The following ZNF264 variants were observed in gnomAD, a reference collection of about 807,000 sequenced individuals.
The protein encoded by ZNF264 is zinc finger protein 264.
A neutral mutation model predicts 11.2 loss-of-function variants in ZNF264; 11 were observed. That is an observed-to-expected ratio of 0.98 (90% CI 0.62 to 1.63). The LOEUF is 1.63. ZNF264 is among the 40% of genes most tolerant of loss of function. The pLI is 0.00. For missense variants in ZNF264, 752 were observed against 768.1 expected (o/e 0.98, Z 0.25); for synonymous variants, 309 against 279.8 (o/e 1.10, Z -1.04).
At chr19:57,193,797 C>T (rs1289239556) in intron 1 of ZNF264, 78 bp from the exon 2 acceptor site, 5 of 1,578,104 alleles carry the variant, frequency 3.2e-6, no homozygotes, top group Non-Finnish European at 3.5e-6. Context: ...CACTGTACAC[C>T]TTTTCCAGTG....
At position 57,222,227 on chromosome 19, in the gene ZNF264, G is replaced by A. The variant is rs961876293; in HGVS notation, c.*9246G>A. 1 of 151,364 alleles carries A rather than the reference G, an allele frequency of 6.6e-6. No homozygotes were observed. The highest frequency in any genetic ancestry group is 6.6e-5 in the Admixed American group (1 of 15,114). 9.4% of individuals were successfully genotyped at this position (151,364 alleles called of 1,614,324 possible). On this transcript the variant is annotated 3_prime_UTR_variant, in exon 4 of 4. Coordinates refer to ENST00000263095, the MANE Select transcript of ZNF264 (RefSeq NM_003417.5). ...CCGGGCGTAGTGGTACATGCATTTA[G>A]TCCTAGCTACTTGGGAGGCTGAGGC...
Position 57,211,342 on chromosome 19 carries a change from G to C in ZNF264, c.257-12G>C. On this transcript the variant is annotated splice_polypyrimidine_tract_variant and intron_variant, in intron 3 of 3. Transcript: ENST00000263095. ...TACTAACAGGCCCTTTTGTGTGCTG[G>C]ATTTCTTTCAGGCGACAAAGGAAAA... 6.3e-7 allele frequency: 1 copy of C among 1,582,410 alleles called. No homozygotes were observed. The highest frequency in any genetic ancestry group is 1.4e-5 in the African/African-American group (1 of 73,598).
chr19:57,211,542 A>G lies in ZNF264; in HGVS notation c.445A>G (p.Lys149Glu). 6.2e-7 allele frequency: 1 copy of G among 1,614,024 alleles called. No individual in the cohort carries two copies. Among genetic ancestry groups the G allele is most frequent in the Non-Finnish European group, 8.5e-7 (1 of 1,179,998 alleles). Residue 149 changes from lysine to glutamate, a missense_variant, in exon 4 of 4, where the codon AAG (lysine) becomes GAG (glutamate). Physicochemically the swap from Lys to Glu is moderately conservative, Grantham distance 56. Coordinates refer to ENST00000263095, the MANE Select transcript of ZNF264 (RefSeq NM_003417.5). ...CAGACCAGGAATAGATCCCCAGGAGAAGTCTCCTGGGAAGATGAGCCCTGA... is the reference window on the plus strand; with the variant it reads ...CAGACCAGGAATAGATCCCCAGGAGGAGTCTCCTGGGAAGATGAGCCCTGA... ...HFRPGIDPQE[K>E]SPGKMSPECD...
At chr19:57,198,948 T>G (rs1418280178) in intron 2 of ZNF264, among the ~76,000 whole-genome samples, 1 of 151,936 alleles carries the variant, frequency 6.6e-6, no homozygotes. Context: ...GATTCTGTTT[T>G]TGTAATTCAA....
intron 3 of ZNF264, among the ~76,000 whole-genome samples, chr19:57,208,027 T>A (rs1220748376): frequency 6.6e-6 from 1 of 151,838 alleles, no homozygotes; most frequent in Non-Finnish European, 1.5e-5. Flanking sequence ...CGCCTGGCCA[T>A]ATTTTTAGTA....
At chr19:57,199,072 G>A (rs575219090) in intron 2 of ZNF264, among the ~76,000 whole-genome samples, 1 of 151,154 alleles carries the variant, frequency 6.6e-6, no homozygotes, top group East Asian at 1.9e-4. Context: ...ATTAGCCAAC[G>A]CCAGAGATCT....
At position 57,213,066 on chromosome 19, in the gene ZNF264, G is replaced by C. The variant is rs1398684423; in HGVS notation, c.*85G>C. The C allele has an allele frequency of 7.4e-7, 1 of 1,349,910 alleles. No individual in the cohort carries two copies. Among genetic ancestry groups the C allele is most frequent in the South Asian group, 1.4e-5 (1 of 69,022 alleles). 83.6% of individuals were successfully genotyped at this position (1,349,910 alleles called of 1,614,324 possible). A position where few individuals can be genotyped will look rare whatever the true frequency, so the allele number is the denominator to read the frequency against. ...CAGTCTAGAGCCTTATTCTCCATCT[G>C]ATAATTTATCCTGGAGAGAGACCCA... On this transcript the variant is annotated 3_prime_UTR_variant, in exon 4 of 4. Coordinates refer to ENST00000263095, the MANE Select transcript of ZNF264 (RefSeq NM_003417.5).
Position 57,191,839 on chromosome 19 carries a change from G to C in ZNF264, c.-75G>C. The C allele has an allele frequency of 8.4e-7, 1 of 1,192,424 alleles. No individual in the cohort carries two copies. Among genetic ancestry groups the C allele is most frequent in the Non-Finnish European group, 1.1e-6 (1 of 941,154 alleles). The allele number at this position is 1,192,424 out of a possible 1,614,324, so 73.9% of individuals were successfully genotyped here. A position where few individuals can be genotyped will look rare whatever the true frequency, so the allele number is the denominator to read the frequency against. The stretch of plus-strand genomic sequence containing the variant: ...CTGGAAGCCCCGGGCAACCGGCCAG[G>C]GTCGGGCACAGGTGGGGTCCGTCAG... On this transcript the variant is annotated 5_prime_UTR_variant, in exon 1 of 4. Transcript: ENST00000263095.
chr19:57,196,410 T>G (rs1158975001), intron 2 of ZNF264, among the ~76,000 whole-genome samples: 1 of 151,936 alleles, frequency 6.6e-6, no homozygotes, highest in African/African-American at 2.4e-5. Flanking sequence ...AGGTCCAATA[T>G]AATCAACCTG....
chr19:57,200,591 T>C, intron 2 of ZNF264, among the ~76,000 whole-genome samples: 1 of 151,716 alleles, frequency 6.6e-6, no homozygotes, highest in Admixed American at 6.6e-5. Flanking sequence ...TTGTCTTGTC[T>C]TGTCTTTTCT....
In ZNF264 at chr19:57,218,627, C is replaced by T. The variant is rs2087396653; in HGVS notation, c.*5646C>T. On this transcript the variant is annotated 3_prime_UTR_variant, in exon 4 of 4. Coordinates refer to ENST00000263095, the MANE Select transcript of ZNF264 (RefSeq NM_003417.5). ...TGAGTGGCAGATCTTGTTTTACACTCCCATGGGTCCTTCAGGCTCTCATCT... is the reference window on the plus strand; with the variant it reads ...TGAGTGGCAGATCTTGTTTTACACTTCCATGGGTCCTTCAGGCTCTCATCT... 1 of 152,142 alleles carries T rather than the reference C, an allele frequency of 6.6e-6. No homozygotes were observed. Among genetic ancestry groups the T allele is most frequent in the African/African-American group, 2.4e-5 (1 of 41,438 alleles). The allele number at this position is 152,142 out of a possible 1,614,324, so 9.4% of individuals were successfully genotyped here.
Position 57,191,846 on chromosome 19 carries a change from C to T in ZNF264, c.-68C>T. Reference sequence around the variant, plus strand: ...CCCCGGGCAACCGGCCAGGGTCGGGCACAGGTGGGGTCCGTCAGGCCGCCC... The same window carrying T: ...CCCCGGGCAACCGGCCAGGGTCGGGTACAGGTGGGGTCCGTCAGGCCGCCC... On this transcript the variant is annotated 5_prime_UTR_variant, in exon 1 of 4. Transcript: ENST00000263095. 1 of 1,222,376 alleles carries T rather than the reference C, an allele frequency of 8.2e-7. No individual in the cohort carries two copies. The highest frequency in any genetic ancestry group is 1.0e-6 in the Non-Finnish European group (1 of 964,630). 75.7% of individuals were successfully genotyped at this position (1,222,376 alleles called of 1,614,324 possible). A position where few individuals can be genotyped will look rare whatever the true frequency, so the allele number is the denominator to read the frequency against.
rs752647319 is a variant in ZNF264, at chr19:57,194,033, G to GAA, written c.160+32_160+33insAA. 1.8e-5 allele frequency: 28 copies of GAA among 1,571,746 alleles called. No individual in the cohort carries two copies. In the Middle Eastern group the frequency reaches 6.8e-4, roughly 38 times the overall value. On this transcript the variant is annotated intron_variant, in intron 2 of 3. Coordinates refer to ENST00000263095, the MANE Select transcript of ZNF264 (RefSeq NM_003417.5). Reference sequence around the variant, plus strand: ...CCTTCCTTCCCCCTCCACCATGCAGGTGACCTGCCACTTCCTTCATTCCAT... The same window carrying GAA: ...CCTTCCTTCCCCCTCCACCATGCAGGAATGACCTGCCACTTCCTTCATTCCAT...
intron 3 of ZNF264, among the ~76,000 whole-genome samples, chr19:57,207,551 T>C (rs1302654384): frequency 6.0e-4 from 87 of 145,000 alleles, no homozygotes; most frequent in African/African-American, 2.2e-3. Flanking sequence ...TTTTCTTTTT[T>C]TTTTTTTTTT....
Position 57,212,235 on chromosome 19 carries a change from T to G in ZNF264, c.1138T>G (p.Phe380Val), listed in dbSNP as rs764957841. 3.1e-6 allele frequency: 5 copies of G among 1,613,976 alleles called. No homozygotes were observed. Among genetic ancestry groups the G allele is most frequent in the Admixed American group, 1.7e-5 (1 of 60,004 alleles). Residue 380 changes from phenylalanine to valine, a missense_variant, in exon 4 of 4, where the codon TTC becomes GTC. Phe to Val is a conservative substitution (Grantham distance 50). Coordinates refer to ENST00000263095, the MANE Select transcript of ZNF264 (RefSeq NM_003417.5). ...PYECSECGKV[F>V]LESAALIHHY... ...TGAGTGCAGTGAATGTGGGAAGGTC[T>G]TCTTGGAGAGTGCAGCCCTGATTCA...
chr19:57,209,133 C>T (rs1270939312), intron 3 of ZNF264, among the ~76,000 whole-genome samples: 1 of 152,070 alleles, frequency 6.6e-6, no homozygotes, highest in African/African-American at 2.4e-5. Flanking sequence ...CTCTTACTCT[C>T]TTTAAAGTAT....
At chr19:57,193,409 C>A in intron 1 of ZNF264, 1 of 668,790 alleles carries the variant, frequency 1.5e-6, no homozygotes, top group African/African-American at 1.9e-5. Context: ...AAATGAAATG[C>A]TGTCTTTGAG....
In ZNF264 at chr19:57,213,208, C is replaced by T; in HGVS notation, c.*227C>T. 2.3e-6 allele frequency: 1 copy of T among 427,996 alleles called. No individual in the cohort carries two copies. The allele number at this position is 427,996 out of a possible 1,614,324, so 26.5% of individuals were successfully genotyped here. On this transcript the variant is annotated 3_prime_UTR_variant, in exon 4 of 4. Transcript: ENST00000263095. ...GAGGGGACATAGAAAAAATGAAATG[C>T]AAGCACACATCTTTTCAGGCTTCTC...
intron 3 of ZNF264, among the ~76,000 whole-genome samples, chr19:57,208,040 G>A (rs1341923706): frequency 6.6e-6 from 1 of 151,892 alleles, no homozygotes; most frequent in East Asian, 2.0e-4. Flanking sequence ...TTTTAGTAGA[G>A]ACAGGGTTTC....
Sources: allele counts gnomAD v4.1 joint callset (sites outside exome capture counted in the v4.1 genomes callset), GRCh38; gene constraint gnomAD v4.1.1; transcripts MANE v1.5; gene names NCBI Gene and HGNC (gene_info 2026-07-23, HGNC 2026-07-21).